The following PPM1B variants were observed in gnomAD, a reference collection of about 807,000 sequenced individuals.
PPM1B encodes protein phosphatase, Mg2+/Mn2+ dependent 1B, also known as protein phosphatase 1B.
PPM1B carries 22 observed loss-of-function variants against 43.0 expected under a neutral mutation model. The observed-to-expected ratio is 0.51, with a 90% CI of 0.37 to 0.73. The LOEUF is 0.73. PPM1B is among the 30% of genes least tolerant of loss of function. The pLI is 0.00. For synonymous variants in PPM1B, 217 were observed against 197.9 expected (o/e 1.10, Z -0.81); for missense variants, 632 against 584.2 (o/e 1.08, Z -0.84).
Position 44,217,960 on chromosome 2 carries a change from C to T in PPM1B, c.965-7C>T. On this transcript the variant is annotated splice_polypyrimidine_tract_variant and splice_region_variant and intron_variant, in intron 3 of 5. Transcript: ENST00000282412. Reference sequence around the variant, plus strand: ...TAATTTAGGAACTTTTTTTAAAAAACCTACAGAGATTATGGAGAAGTCTGG... The same window carrying T: ...TAATTTAGGAACTTTTTTTAAAAAATCTACAGAGATTATGGAGAAGTCTGG... 1 of 1,571,878 alleles carries T rather than the reference C, an allele frequency of 6.4e-7. No individual in the cohort carries two copies. Among genetic ancestry groups the T allele is most frequent in the Non-Finnish European group, 8.6e-7 (1 of 1,162,728 alleles).
chr2:44,177,207 C>T (rs1483640336), intron 1 of PPM1B, among the ~76,000 whole-genome samples: 1 of 152,104 alleles, frequency 6.6e-6, no homozygotes, highest in Non-Finnish European at 1.5e-5. Flanking sequence ...TTAAGTTGTT[C>T]AACATTTGGC....
At chr2:44,231,714 C>T (rs1670474943), downstream of PPM1B, among the ~76,000 whole-genome samples, 1 of 152,026 alleles carries the variant, frequency 6.6e-6, no homozygotes, top group African/African-American at 2.4e-5. Flanking sequence ...ATTATGGGCA[C>T]ACATTAGACA....
downstream of PPM1B, among the ~76,000 whole-genome samples, chr2:44,235,158 T>C (rs1670576197): frequency 6.6e-6 from 1 of 152,236 alleles, no homozygotes; most frequent in South Asian, 2.1e-4. Context: ...TAGTTTGTTA[T>C]GTTAAAATCC....
downstream of PPM1B, among the ~76,000 whole-genome samples, chr2:44,236,429 T>TAAAAAAAAAAAAAAAAAA (rs1670616216): frequency 2.6e-5 from 2 of 76,804 alleles, no homozygotes; most frequent in Non-Finnish European, 6.2e-5. Context: ...AAAAAAAAAG[T>TAAAAAAAAAAAAAAAAAA]TGTAATGAAC....
At chr2:44,229,598 A>G (rs1221413538) in intron 5 of PPM1B, among the ~76,000 whole-genome samples, 2 of 152,192 alleles carry the variant, frequency 1.3e-5, no homozygotes, top group Non-Finnish European at 2.9e-5. Context: ...GGGAATTAGC[A>G]TTATTAGATT....
chr2:44,229,949 T>C, intron 5 of PPM1B: 1 of 1,468,358 alleles, frequency 6.8e-7, no homozygotes, highest in African/African-American at 1.4e-5. Flanking sequence ...AAAAATCTGT[T>C]TAAATCTATA....
At chr2:44,211,230 A>C (rs1171385441) in intron 3 of PPM1B, among the ~76,000 whole-genome samples, 1 of 152,226 alleles carries the variant, frequency 6.6e-6, no homozygotes, top group African/African-American at 2.4e-5. Flanking sequence ...GTAATGTCAT[A>C]TGTAGGTCCA....
intron 3 of PPM1B, among the ~76,000 whole-genome samples, chr2:44,211,742 C>CTTTTTT (rs55716263): frequency 3.8e-5 from 3 of 78,630 alleles, no homozygotes; most frequent in East Asian, 4.5e-4. Flanking sequence ...CTGATTCTGT[C>CTTTTTT]TTTTTTTTTT....
rs140886509 is a variant in PPM1B, at chr2:44,184,935, C to T, written c.-15+15661C>T. Among the ~76,000 whole-genome samples the T allele has an allele frequency of 5.4e-4, 80 of 147,938 alleles. 1 individual carries two copies. Among genetic ancestry groups the T allele is most frequent in the African/African-American group, 2.0e-3 (80 of 39,920 alleles). On this transcript the variant is annotated intron_variant, in intron 1 of 5. Transcript: ENST00000282412. ...TATCTTAAAATATTATTAAACTCAC[C>T]ACTACTTCAGAATTATGACACTTAT...
rs74659219 is a variant in PPM1B at position 44,193,524 on chromosome 2, G to C, written c.-14-7662G>C. On this transcript the variant is annotated intron_variant, in intron 1 of 5. Transcript: ENST00000282412. ...TCCTCCCGCTGTAGCTTCCCTAGTA[G>C]CTAGGACTACATGTGCTTGCTACTG... Among the ~76,000 whole-genome samples the C allele has an allele frequency of 6.5e-3, 986 of 151,596 alleles. 5 individuals are homozygous for C. Among genetic ancestry groups the C allele is most frequent in the Non-Finnish European group, 0.011 (720 of 67,938 alleles).
At chr2:44,176,001 G>A (rs1414997175) in intron 1 of PPM1B, among the ~76,000 whole-genome samples, 4 of 152,108 alleles carry the variant, frequency 2.6e-5, no homozygotes, top group Admixed American at 2.0e-4. Context: ...GGTCATGCTG[G>A]TCTGGAACTC....
At chr2:44,240,116 T>C (rs985908475) in intron 5 of PPM1B, among the ~76,000 whole-genome samples, 1 of 145,604 alleles carries the variant, frequency 6.9e-6, no homozygotes, top group South Asian at 2.4e-4. Flanking sequence ...CAAGCAATCC[T>C]CCTGCCTCGG....
downstream of PPM1B, among the ~76,000 whole-genome samples, chr2:44,235,317 GT>G (rs1377866224): frequency 3.9e-5 from 6 of 152,102 alleles, no homozygotes; most frequent in African/African-American, 1.4e-4. Flanking sequence ...AAAGTTTTTT[GT>G]TAAGGGTAGG....
At chr2:44,189,867 C>T (rs568635110) in intron 1 of PPM1B, among the ~76,000 whole-genome samples, 1 of 152,316 alleles carries the variant, frequency 6.6e-6, no homozygotes, top group South Asian at 2.1e-4. Context: ...ATTTCCTGCT[C>T]TTAATTTTTC....
At chr2:44,169,528 GGA>G (rs1274504419) in intron 1 of PPM1B, among the ~76,000 whole-genome samples, 1 of 152,244 alleles carries the variant, frequency 6.6e-6, no homozygotes, top group Non-Finnish European at 1.5e-5. Context: ...GGAGAGAATG[GGA>G]GTTTGCTGGA....
rs757977795 is a variant in PPM1B at position 44,201,135 on chromosome 2, A to G, written c.-14-51A>G. 1.3e-5 allele frequency: 20 copies of G among 1,484,640 alleles called. No individual in the cohort carries two copies. Among genetic ancestry groups the G allele is most frequent in the East Asian group, 2.3e-5 (1 of 43,870 alleles). The allele number at this position is 1,484,640 out of a possible 1,614,324, so 92.0% of individuals were successfully genotyped here. A position where few individuals can be genotyped will look rare whatever the true frequency, so the allele number is the denominator to read the frequency against. On this transcript the variant is annotated intron_variant, in intron 1 of 5. Coordinates refer to ENST00000282412, the MANE Select transcript of PPM1B (RefSeq NM_002706.6). This position sits in a 1 kb window ranked among gnomAD's most constrained non-coding sequence, Gnocchi z 5.4. ...CTAGACTATAGAGGGAATATTGTAC[A>G]TACATTTTCTGTCAAATTTAAACAT... is the stretch of plus-strand genomic sequence containing the variant.
intron 5 of PPM1B, among the ~76,000 whole-genome samples, chr2:44,222,613 A>G (rs1319907387): frequency 2.0e-5 from 3 of 152,150 alleles, no homozygotes; most frequent in African/African-American, 7.2e-5. Context: ...CTTCTTTTAC[A>G]CATGAGACTT....
At chr2:44,227,478 G>A (rs1309146563) in intron 5 of PPM1B, among the ~76,000 whole-genome samples, 4 of 150,200 alleles carry the variant, frequency 2.7e-5, no homozygotes, top group Non-Finnish European at 5.9e-5. Flanking sequence ...ATACACAGAC[G>A]TATATGTATC....
intron 1 of PPM1B, among the ~76,000 whole-genome samples, chr2:44,185,203 C>T (rs1463178517): frequency 6.6e-5 from 10 of 152,002 alleles, no homozygotes; most frequent in Non-Finnish European, 5.9e-5. Flanking sequence ...TAATGAGATT[C>T]ATCTAAGTTC....
Sources: allele counts gnomAD v4.1 joint callset (sites outside exome capture counted in the v4.1 genomes callset), GRCh38; gene constraint gnomAD v4.1.1; non-coding constraint Gnocchi (gnomAD v3.1); transcripts MANE v1.5; gene names NCBI Gene and HGNC (gene_info 2026-07-23, HGNC 2026-07-21).